SDHC: variants seen among roughly 807,000 people sequenced by gnomAD.
SDHC encodes the protein succinate dehydrogenase complex subunit C, also known as succinate dehydrogenase cytochrome b560 subunit, mitochondrial.
A neutral mutation model predicts 22.6 loss-of-function variants in SDHC; 11 were observed. That is an observed-to-expected ratio of 0.49 (90% CI 0.31 to 0.81). The LOEUF (loss-of-function observed/expected upper bound fraction) is 0.81. SDHC is among the 30% of genes least tolerant of loss of function. The pLI, the probability that SDHC is intolerant of heterozygous loss-of-function variation, is 0.05. For missense variants in SDHC, 160 were observed against 212.0 expected (o/e 0.75, Z 1.52); for synonymous variants, 80 against 77.8 (o/e 1.03, Z -0.15).
chr1:161,336,906 G>A (rs1383983479), intron 3 of SDHC, among the ~76,000 whole-genome samples: 2 of 151,906 alleles, frequency 1.3e-5, no homozygotes, highest in Non-Finnish European at 2.9e-5. Flanking sequence ...GTCTCCCTCT[G>A]TTACTCAGGC....
intron 5 of SDHC, among the ~76,000 whole-genome samples, chr1:161,359,563 CT>C (rs1368541186): frequency 6.6e-6 from 1 of 152,162 alleles, no homozygotes. Context: ...CTATATTTGT[CT>C]TTGTCTCAAT....
At chr1:161,320,354 A>G (rs902117905) in intron 1 of SDHC, among the ~76,000 whole-genome samples, 3 of 152,146 alleles carry the variant, frequency 2.0e-5, no homozygotes, top group East Asian at 1.9e-4. Flanking sequence ...TTATATATCT[A>G]TTTTATTGTT....
intron 5 of SDHC, among the ~76,000 whole-genome samples, chr1:161,357,699 G>GC (rs1672337468): frequency 6.6e-6 from 1 of 152,046 alleles, no homozygotes; most frequent in Non-Finnish European, 1.5e-5. Context: ...GTGCCCTGCT[G>GC]AACTCTTCAT....
intron 5 of SDHC, among the ~76,000 whole-genome samples, 199 bp from the exon 6 acceptor site, chr1:161,362,130 A>C (rs963370375): frequency 6.6e-6 from 1 of 152,142 alleles, no homozygotes; most frequent in Non-Finnish European, 1.5e-5. Context: ...ATTTTCTGTC[A>C]TTGGAATAAG....
intron 5 of SDHC, among the ~76,000 whole-genome samples, chr1:161,358,438 A>T (rs182408105): frequency 2.0e-5 from 3 of 152,000 alleles, no homozygotes; most frequent in Non-Finnish European, 4.4e-5. Flanking sequence ...GAAACTGTCC[A>T]TGTTGCCTCC....
In SDHC at chr1:161,314,612, C is replaced by T. The variant is rs1670534607; in HGVS notation, c.20+187C>T. On this transcript the variant is annotated intron_variant, in intron 1 of 5. Transcript: ENST00000367975. ...CCCCCCCAGCCGCTCCGGTGCGCTC[C>T]GTAGGGCTTCGGGGTCACTGACTTC... 3 of 665,956 alleles carry T rather than the reference C, an allele frequency of 4.5e-6. No homozygotes were observed. The South Asian group carries it at 5.3e-5, about 12-fold the overall frequency. The allele number at this position is 665,956 out of a possible 1,614,324, so 41.3% of individuals were successfully genotyped here. A position where few individuals can be genotyped will look rare whatever the true frequency, so the allele number is the denominator to read the frequency against.
chr1:161,331,131 G>GT (rs1195465057), intron 3 of SDHC, among the ~76,000 whole-genome samples: 1 of 152,012 alleles, frequency 6.6e-6, no homozygotes, highest in Admixed American at 6.6e-5. Flanking sequence ...TGATGAGATG[G>GT]TTGAGGGGAT....
chr1:161,350,422 T>G (rs921101602), intron 4 of SDHC, among the ~76,000 whole-genome samples: 1 of 152,200 alleles, frequency 6.6e-6, no homozygotes, highest in Admixed American at 6.5e-5. Context: ...GTATAAATTC[T>G]TTCACAGTGG....
At chr1:161,319,221 TAAAA>T (rs1015671617) in intron 1 of SDHC, among the ~76,000 whole-genome samples, 1 of 133,608 alleles carries the variant, frequency 7.5e-6, no homozygotes, top group African/African-American at 3.0e-5. Context: ...AACTCTGTCT[TAAAA>T]TAAATAAATA....
At chr1:161,316,434 T>A (rs1042152080) in intron 1 of SDHC, among the ~76,000 whole-genome samples, 2 of 152,236 alleles carry the variant, frequency 1.3e-5, no homozygotes, top group Admixed American at 1.3e-4. Flanking sequence ...AAGCATTTGT[T>A]TAACAAAGCA....
At position 161,327,243 on chromosome 1, in the gene SDHC, A is replaced by G. The variant is rs117031031; in HGVS notation, c.78-1153A>G. Among the ~76,000 whole-genome samples the G allele has an allele frequency of 5.0e-3, 757 of 152,264 alleles. 17 individuals carry two copies. The South Asian group carries it at 0.055, about 11-fold the overall frequency. ...CATGTCTGGCCTAAGTTTTCCTTATATAGGGATCTTGTCTATGTAAGGACT... is the reference window on the plus strand; with the variant it reads ...CATGTCTGGCCTAAGTTTTCCTTATGTAGGGATCTTGTCTATGTAAGGACT... On this transcript the variant is annotated intron_variant, in intron 2 of 5. Transcript: ENST00000367975.
chr1:161,339,757 C>T (rs750039842), intron 3 of SDHC, among the ~76,000 whole-genome samples: 13 of 140,956 alleles, frequency 9.2e-5, no homozygotes, highest in East Asian at 2.2e-4. Flanking sequence ...CTTGGCTCAC[C>T]GCAACCTCCA....
intron 1 of SDHC, among the ~76,000 whole-genome samples, chr1:161,323,181 G>T (rs1175872907): frequency 6.6e-6 from 1 of 151,938 alleles, no homozygotes; most frequent in Non-Finnish European, 1.5e-5. Flanking sequence ...TGTATTTTTA[G>T]TAGAGACGGG....
chr1:161,324,793 A>G (rs1351004013), intron 2 of SDHC, among the ~76,000 whole-genome samples: 2 of 152,226 alleles, frequency 1.3e-5, no homozygotes, highest in African/African-American at 2.4e-5. Context: ...TACATAATGC[A>G]GTATAATTAT....
intron 4 of SDHC, among the ~76,000 whole-genome samples, chr1:161,347,264 T>C (rs1021838832): frequency 1.3e-5 from 2 of 151,026 alleles, no homozygotes; most frequent in African/African-American, 4.9e-5. Context: ...CTTTTTTTCC[T>C]TTTTTTTTGA....
At position 161,346,416 on chromosome 1, in the gene SDHC, C is replaced by G. The variant is rs180808694; in HGVS notation, c.241+5761C>G. On this transcript the variant is annotated intron_variant, in intron 4 of 5. Coordinates refer to ENST00000367975, the MANE Select transcript of SDHC (RefSeq NM_003001.5). Reference sequence around the variant, plus strand: ...GCACTGTGATAGCTTTTTTTTTTTTCGAGACAGAGTTTCGCTTTTGTTGCC... The same window carrying G: ...GCACTGTGATAGCTTTTTTTTTTTTGGAGACAGAGTTTCGCTTTTGTTGCC... Among the ~76,000 whole-genome samples, 48 of 144,990 alleles carry G rather than the reference C, an allele frequency of 3.3e-4. 1 individual carries two copies. The highest frequency in any genetic ancestry group is 3.5e-3 in the Middle Eastern group (1 of 284).
chr1:161,343,024 TAC>T (rs1484279294), intron 4 of SDHC, among the ~76,000 whole-genome samples: 1 of 152,234 alleles, frequency 6.6e-6, no homozygotes, highest in Non-Finnish European at 1.5e-5. Context: ...GGCCCATTTG[TAC>T]AGAGTAGAGC....
intron 5 of SDHC, among the ~76,000 whole-genome samples, chr1:161,359,904 G>A (rs1303336174): frequency 1.3e-5 from 2 of 151,956 alleles, no homozygotes; most frequent in Admixed American, 6.6e-5. Context: ...TACCCAGTAG[G>A]ACTCACTCTC....
intron 4 of SDHC, among the ~76,000 whole-genome samples, chr1:161,355,091 T>C (rs1449695858): frequency 1.3e-5 from 2 of 152,194 alleles, no homozygotes; most frequent in African/African-American, 4.8e-5. Flanking sequence ...GCCACTGAGC[T>C]CCAACAGATA....
Sources: gnomAD v4.1 joint callset for allele counts (sites outside exome capture counted in the v4.1 genomes callset) on GRCh38, gnomAD v4.1.1 for gene constraint, MANE v1.5 for transcripts, NCBI Gene and HGNC (gene_info 2026-07-23, HGNC 2026-07-21) for gene names.